Variants in PITHD1 observed in about 807,000 individuals in gnomAD.
PITHD1 encodes the protein PITH domain-containing protein 1.
PITHD1 carries 8 observed loss-of-function variants against 27.5 expected under a neutral mutation model. That is an observed-to-expected ratio of 0.29 (90% confidence interval 0.17 to 0.52). The LOEUF is 0.52. Ranked by LOEUF, PITHD1 falls within the 20% of genes least tolerant of loss-of-function variation. The probability of loss-of-function intolerance (pLI) is 0.96; values close to 1 mark genes in which losing one functional copy is unlikely to be tolerated. For synonymous variants in PITHD1, 118 were observed against 106.8 expected, an observed-to-expected ratio of 1.10 and a Z score of -0.64; for missense variants, 233 against 283.9, an observed-to-expected ratio of 0.82 and a Z score of 1.29.
At chr1:23,786,782 G>A (rs1638691170) in intron 5 of PITHD1, among the ~76,000 whole-genome samples, 1 of 151,958 alleles carries the variant, frequency 6.6e-6, no homozygotes, top group African/African-American at 2.4e-5. Flanking sequence ...AGTAGAGACA[G>A]GGTTTCACCA....
chr1:23,782,974 G>T (rs563440343), intron 3 of PITHD1, among the ~76,000 whole-genome samples: 73 of 151,978 alleles, frequency 4.8e-4, no homozygotes, highest in African/African-American at 1.7e-3. Flanking sequence ...TTGTAAAATG[G>T]TATTAAATAT....
chr1:23,784,239 T>C lies in PITHD1; in HGVS notation c.321-1436T>C, dbSNP rs796673163. Among the ~76,000 whole-genome samples the C allele has an allele frequency of 3.1e-3, 416 of 135,928 alleles. 6 individuals carry two copies. Among genetic ancestry groups the C allele is most frequent in the African/African-American group, 0.011 (378 of 35,846 alleles). The allele number at this position is 135,928 out of a possible 152,430, so 89.2% of individuals were successfully genotyped here. A position where few individuals can be genotyped will look rare whatever the true frequency, so the allele number is the denominator to read the frequency against. On this transcript the variant is annotated intron_variant, in intron 3 of 5. Coordinates refer to ENST00000246151, the MANE Select transcript of PITHD1 (RefSeq NM_020362.5). Reference sequence around the variant, plus strand: ...TTGAAGTAAACATTTGCTTTCTTTTTTTTTTTTTTTTTTTTTTTTGAGACG... The same window carrying C: ...TTGAAGTAAACATTTGCTTTCTTTTCTTTTTTTTTTTTTTTTTTTGAGACG...
At chr1:23,785,423 G>C (rs1335066095) in intron 3 of PITHD1, 1 of 256,356 alleles carries the variant, frequency 3.9e-6, no homozygotes, top group African/African-American at 2.2e-5. Context: ...AACCTGGGAG[G>C]TGGAGGTTGC....
chr1:23,779,505 C>T (rs755368649), intron 2 of PITHD1, 24 bp downstream of exon 2: 5 of 1,585,628 alleles, frequency 3.2e-6, no homozygotes, highest in Non-Finnish European at 4.3e-6. Flanking sequence ...TGGTGCCTAC[C>T]TCAGGCTAAA....
At chr1:23,783,346 T>TAC (rs1557467100) in intron 3 of PITHD1, among the ~76,000 whole-genome samples, 1 of 149,524 alleles carries the variant, frequency 6.7e-6, no homozygotes, top group African/African-American at 2.5e-5. Flanking sequence ...TGTGTATATA[T>TAC]ACATATATAC....
intron 2 of PITHD1, 186 bp from the exon 3 acceptor site, chr1:23,779,678 G>A: frequency 1.5e-6 from 1 of 654,504 alleles, no homozygotes; most frequent in Non-Finnish European, 2.7e-6. Flanking sequence ...CAATAACTGA[G>A]AAATTGAGGT....
At chr1:23,782,408 G>C in intron 3 of PITHD1, among the ~76,000 whole-genome samples, 1 of 149,630 alleles carries the variant, frequency 6.7e-6, no homozygotes, top group East Asian at 2.0e-4. Flanking sequence ...GACAGTGCAA[G>C]ACTCTGTCTC....
At chr1:23,783,019 C>CA (rs1638625208) in intron 3 of PITHD1, among the ~76,000 whole-genome samples, 1 of 151,554 alleles carries the variant, frequency 6.6e-6, no homozygotes. Flanking sequence ...ATTTTTGAGA[C>CA]AGAGTCTCAC....
intron 5 of PITHD1, among the ~76,000 whole-genome samples, 175 bp downstream of exon 5, chr1:23,786,598 A>G (rs1570614736): frequency 6.7e-6 from 1 of 150,092 alleles, no homozygotes; most frequent in African/African-American, 2.4e-5. Context: ...AGGTATTTTT[A>G]AGGGGGTTGA....
chr1:23,782,716 C>T (rs1032511143), intron 3 of PITHD1, among the ~76,000 whole-genome samples: 10 of 152,016 alleles, frequency 6.6e-5, no homozygotes, highest in South Asian at 4.2e-4. Flanking sequence ...ATCCTCCCAC[C>T]GCAGCCTCCC....
chr1:23,783,172 A>G (rs1243786163), intron 3 of PITHD1, among the ~76,000 whole-genome samples: 1 of 147,674 alleles, frequency 6.8e-6, no homozygotes, highest in Non-Finnish European at 1.5e-5. Flanking sequence ...AATTTTTTGT[A>G]TTTTTTAGTA....
At chr1:23,783,291 A>G (rs1300657298) in intron 3 of PITHD1, among the ~76,000 whole-genome samples, 1 of 150,584 alleles carries the variant, frequency 6.6e-6, no homozygotes, top group Non-Finnish European at 1.5e-5. Flanking sequence ...GTGTGTATAT[A>G]TATATGTATA....
rs986198940 is a variant in PITHD1 at position 23,778,449 on chromosome 1, C to G, written c.-67C>G. On this transcript the variant is annotated 5_prime_UTR_variant, in exon 1 of 6. Transcript: ENST00000246151. ...CGGAGCTGAACGGCGCGGAGCTGGTCTGAGGCGAGCCGAGCCGAGCGAGCG... is the reference window on the plus strand; with the variant it reads ...CGGAGCTGAACGGCGCGGAGCTGGTGTGAGGCGAGCCGAGCCGAGCGAGCG... The G allele has an allele frequency of 1.7e-6, 2 of 1,150,504 alleles. No homozygotes were observed. The highest frequency in any genetic ancestry group is 1.7e-5 in the African/African-American group (1 of 59,276). 71.3% of individuals were successfully genotyped at this position (1,150,504 alleles called of 1,614,324 possible).
intron 3 of PITHD1, among the ~76,000 whole-genome samples, chr1:23,783,140 G>T (rs1012901808): frequency 1.3e-5 from 2 of 151,466 alleles, no homozygotes; most frequent in African/African-American, 4.9e-5. Context: ...GGGACTACAG[G>T]TGCCCGCCAC....
rs754440327 is a variant in PITHD1 at position 23,787,254 on chromosome 1, C to A, written c.535-21C>A. 4 of 1,587,298 alleles carry A rather than the reference C, an allele frequency of 2.5e-6. No homozygotes were observed. In the East Asian group the frequency reaches 6.7e-5, roughly 27 times the overall value. ...ACAGTTCTTTTAATGGCTGGCTGAC[C>A]CAGCCTCAATTTTCTTGCAGCTTCG... On this transcript the variant is annotated intron_variant, in intron 5 of 5. Coordinates refer to ENST00000246151, the MANE Select transcript of PITHD1 (RefSeq NM_020362.5).
At chr1:23,785,022 T>C (rs1002356512) in intron 3 of PITHD1, among the ~76,000 whole-genome samples, 2 of 152,240 alleles carry the variant, frequency 1.3e-5, no homozygotes, top group Non-Finnish European at 2.9e-5. Flanking sequence ...AGCTGTTTTA[T>C]TTAATAACAT....
Position 23,779,949 on chromosome 1 carries a change from G to T in PITHD1, c.320+8G>T, listed in dbSNP as rs374591652. 2.5e-6 allele frequency: 4 copies of T among 1,588,494 alleles called. No homozygotes were observed. The highest frequency in any genetic ancestry group is 2.2e-5 in the East Asian group (1 of 44,764). ...CCCCTCTGAGATGAGACTGTAAGTG[G>T]CAAAGGCTTAGGCCCTCAAAGGAGC... is the stretch of plus-strand genomic sequence containing the variant. On this transcript the variant is annotated splice_region_variant and intron_variant, in intron 3 of 5. Transcript: ENST00000246151.
Position 23,778,549 on chromosome 1 carries a change from T to A in PITHD1, c.34T>A (p.Cys12Ser). The A allele has an allele frequency of 1.5e-6, 2 of 1,340,294 alleles. No homozygotes were observed. Among genetic ancestry groups the A allele is most frequent in the Non-Finnish European group, 1.9e-6 (2 of 1,050,658 alleles). The allele number at this position is 1,340,294 out of a possible 1,614,324, so 83.0% of individuals were successfully genotyped here. A position where few individuals can be genotyped will look rare whatever the true frequency, so the allele number is the denominator to read the frequency against. ...SHGHSHGGGGCRCAAEREEPP... is the reference protein window; with the variant it reads ...SHGHSHGGGGSRCAAEREEPP... Reference sequence around the variant, plus strand: ...CGGTCACAGCCACGGCGGGGGTGGCTGCCGCTGCGCCGCCGAACGGGAGGA... The same window carrying A: ...CGGTCACAGCCACGGCGGGGGTGGCAGCCGCTGCGCCGCCGAACGGGAGGA... The change falls in exon 1 of 6, where the codon TGC (cysteine) becomes AGC (serine). Residue 12 changes from cysteine (C) to serine (S), a missense_variant. Cys to Ser is a moderately radical substitution (Grantham distance 112, BLOSUM62 -1). Coordinates refer to ENST00000246151, the MANE Select transcript of PITHD1 (RefSeq NM_020362.5).
At chr1:23,787,091 T>C (rs1638696783) in intron 5 of PITHD1, among the ~76,000 whole-genome samples, 184 bp from the exon 6 acceptor site, 1 of 152,314 alleles carries the variant, frequency 6.6e-6, no homozygotes, top group South Asian at 2.1e-4. Context: ...TCTTTGCAGC[T>C]TTCTGGAGTT....
Sources: gnomAD v4.1 joint callset for allele counts (sites outside exome capture counted in the v4.1 genomes callset) on GRCh38, gnomAD v4.1.1 for gene constraint, MANE v1.5 for transcripts, NCBI Gene and HGNC (gene_info 2026-07-23, HGNC 2026-07-21) for gene names.